The following GPC6 variants were observed in gnomAD, a reference collection of about 807,000 sequenced individuals.
The protein encoded by GPC6 is glypican 6.
Under a neutral mutation model 55.2 loss-of-function variants are expected in GPC6, and 14 were observed. The ratio of observed to expected loss-of-function variants is 0.25; its 90% confidence interval spans 0.17 to 0.40. The LOEUF is 0.40. Ranked by LOEUF, GPC6 falls within the 10% of genes least tolerant of loss-of-function variation. The pLI, the probability that GPC6 is intolerant of heterozygous loss-of-function variation, is 1.00. For synonymous variants in GPC6, 278 were observed against 259.6 expected, an observed-to-expected ratio of 1.07 and a Z score of -0.68; for missense variants, 641 against 708.5, an observed-to-expected ratio of 0.90 and a Z score of 1.08.
At chr13:94,165,843 C>T (rs536108785) in intron 4 of GPC6, among the ~76,000 whole-genome samples, 10 of 152,098 alleles carry the variant, frequency 6.6e-5, no homozygotes, top group South Asian at 2.1e-4. Context: ...TAGCTACTTG[C>T]TTGATCAAAT....
chr13:94,297,250 T>A (rs1875390087), intron 5 of GPC6, among the ~76,000 whole-genome samples: 1 of 152,186 alleles, frequency 6.6e-6, no homozygotes, highest in African/African-American at 2.4e-5. Flanking sequence ...CCAATTGGCA[T>A]ATCCCCAGCA....
intron 1 of GPC6, among the ~76,000 whole-genome samples, chr13:93,406,329 C>T (rs1333048052): frequency 6.6e-6 from 1 of 152,106 alleles, no homozygotes; most frequent in Non-Finnish European, 1.5e-5. Flanking sequence ...TCAGTCAGAA[C>T]TGCCACAAGA....
rs1292397436 is a variant in GPC6, at chr13:93,522,391, G to A, written c.161-22872G>A. ...ATCATTAAGTTTTGCTAACATTTTT[G>A]TGGTTTTTTGAATTCACCATTGAAC... On this transcript the variant is annotated intron_variant, in intron 1 of 8. Transcript: ENST00000377047. 3.3e-5 allele frequency among the ~76,000 whole-genome samples: 5 copies of A among 151,832 alleles called. No homozygotes were observed. The East Asian group carries it at 7.7e-4, about 23-fold the overall frequency.
At chr13:93,541,010 G>A (rs1449760350) in intron 1 of GPC6, among the ~76,000 whole-genome samples, 1 of 151,472 alleles carries the variant, frequency 6.6e-6, no homozygotes, top group Non-Finnish European at 1.5e-5. Flanking sequence ...TGCAGTGAAT[G>A]ATGGGATATC....
At chr13:94,043,488 A>G (rs1157114423) in intron 4 of GPC6, among the ~76,000 whole-genome samples, 1 of 151,906 alleles carries the variant, frequency 6.6e-6, no homozygotes, top group Admixed American at 6.6e-5. Flanking sequence ...TAATCATACT[A>G]CAATAATAAA....
At chr13:94,029,061 T>C (rs1883012174) in intron 4 of GPC6, among the ~76,000 whole-genome samples, 1 of 152,202 alleles carries the variant, frequency 6.6e-6, no homozygotes. Flanking sequence ...TAAACGAGCA[T>C]GCACAAGTAA....
chr13:93,528,364 G>T (rs1233703784), intron 1 of GPC6, among the ~76,000 whole-genome samples: 1 of 152,142 alleles, frequency 6.6e-6, no homozygotes, highest in Non-Finnish European at 1.5e-5. Flanking sequence ...GTTTGTGGGT[G>T]AATTTATAGA....
At position 94,310,082 on chromosome 13, in the gene GPC6, G is replaced by A. The variant is rs531045212; in HGVS notation, c.1152+3959G>A. Reference sequence around the variant, plus strand: ...AAATAGCTCGATTTTTAAGATCTGAGCATCAAAAGGTATTTCAAATTAGCC... The same window carrying A: ...AAATAGCTCGATTTTTAAGATCTGAACATCAAAAGGTATTTCAAATTAGCC... On this transcript the variant is annotated intron_variant, in intron 6 of 8. Transcript: ENST00000377047. Among the ~76,000 whole-genome samples, 159 of 152,242 alleles carry A rather than the reference G, an allele frequency of 1.0e-3. 1 individual carries two copies. The highest frequency in any genetic ancestry group is 2.9e-3 in the South Asian group (14 of 4,816).
chr13:93,333,920 A>G (rs980483515), intron 1 of GPC6, among the ~76,000 whole-genome samples: 5 of 152,094 alleles, frequency 3.3e-5, no homozygotes, highest in African/African-American at 1.2e-4. Flanking sequence ...TTTTTGGTGT[A>G]GTCTTTAGGT....
chr13:93,718,787 G>A (rs1287261743), intron 2 of GPC6, among the ~76,000 whole-genome samples: 1 of 151,930 alleles, frequency 6.6e-6, no homozygotes, highest in African/African-American at 2.4e-5. Context: ...TTTGTATAAG[G>A]TGTAAGGAAG....
intron 2 of GPC6, among the ~76,000 whole-genome samples, chr13:93,732,183 A>G (rs4272897): frequency 0.92 from 139,379 of 151,776 alleles, 64,138 homozygotes; most frequent in Admixed American, 0.96. Context: ...TGATGTCCAC[A>G]TGTCCCTGCA....
intron 4 of GPC6, among the ~76,000 whole-genome samples, chr13:94,216,506 T>G (rs908186306): frequency 1.3e-5 from 2 of 152,242 alleles, no homozygotes; most frequent in African/African-American, 4.8e-5. Context: ...TTACCTTACC[T>G]TTTTAAATTA....
At chr13:93,324,836 G>C (rs780935728) in intron 1 of GPC6, among the ~76,000 whole-genome samples, 3 of 151,880 alleles carry the variant, frequency 2.0e-5, no homozygotes, top group Non-Finnish European at 4.4e-5. Context: ...TTCAGCTTTG[G>C]AGCTATGTGT....
intron 2 of GPC6, among the ~76,000 whole-genome samples, chr13:93,706,976 G>A (rs1469025445): frequency 2.0e-5 from 3 of 151,772 alleles, no homozygotes; most frequent in East Asian, 2.0e-4. Context: ...TGAACTGGGC[G>A]ACGTAGGTGT....
chr13:93,451,765 C>T (rs1878233227), intron 1 of GPC6, among the ~76,000 whole-genome samples: 1 of 152,114 alleles, frequency 6.6e-6, no homozygotes, highest in Admixed American at 6.6e-5. Context: ...AATTCAATAG[C>T]ATTCTAGTTG....
At chr13:93,636,720 A>C (rs1338739249) in intron 2 of GPC6, among the ~76,000 whole-genome samples, 1 of 152,300 alleles carries the variant, frequency 6.6e-6, no homozygotes, top group Non-Finnish European at 1.5e-5. Context: ...AGGGCAGAAA[A>C]CATTAACTCA....
intron 2 of GPC6, among the ~76,000 whole-genome samples, chr13:93,606,278 A>AT (rs1878233774): frequency 6.6e-6 from 1 of 152,166 alleles, no homozygotes; most frequent in African/African-American, 2.4e-5. Flanking sequence ...TTCAATGAAA[A>AT]TTTTTATGTG....
intron 2 of GPC6, among the ~76,000 whole-genome samples, chr13:93,668,826 C>A (rs1326323380): frequency 2.0e-5 from 3 of 152,170 alleles, no homozygotes; most frequent in East Asian, 3.8e-4. Context: ...GATAGTTTGA[C>A]ATGGCAGTAT....
chr13:94,404,647 G>A lies in GPC6; in HGVS notation c.*1430G>A, dbSNP rs935261741. 1.3e-5 allele frequency: 2 copies of A among 152,204 alleles called. No individual in the cohort carries two copies. The highest frequency in any genetic ancestry group is 2.4e-5 in the African/African-American group (1 of 41,452). The allele number at this position is 152,204 out of a possible 1,614,324, so 9.4% of individuals were successfully genotyped here. ...GCTCCAGACTACACCAAACTCATGG[G>A]ATGAGCCATTGGTGTGCAGGGCTTT... On this transcript the variant is annotated 3_prime_UTR_variant, in exon 9 of 9. Transcript: ENST00000377047.
Sources: allele counts gnomAD v4.1 joint callset (sites outside exome capture counted in the v4.1 genomes callset), GRCh38; gene constraint gnomAD v4.1.1; transcripts MANE v1.5; gene names NCBI Gene and HGNC (gene_info 2026-07-23, HGNC 2026-07-21).